CPLANE1: variants seen among roughly 807,000 people sequenced by gnomAD.
CPLANE1 encodes ciliogenesis and planar polarity effector 1.
Under a neutral mutation model 362.5 loss-of-function variants are expected in CPLANE1, and 263 were observed. The observed-to-expected ratio is 0.73, with a 90% CI of 0.66 to 0.80. The LOEUF is 0.80. Ranked by LOEUF, CPLANE1 falls within the 30% of genes least tolerant of loss-of-function variation. The probability of loss-of-function intolerance (pLI) is 0.00; values close to 1 mark genes in which losing one functional copy is unlikely to be tolerated. For synonymous variants in CPLANE1, 1,212 were observed against 1,302.6 expected (o/e 0.93, Z 1.50); for missense variants, 3,461 against 3,793.4 (o/e 0.91, Z 2.30).
At chr5:37,078,701 C>T in the CPLANE1 span, among the ~76,000 whole-genome samples, 35 of 150,428 alleles carry the variant, frequency 2.3e-4, no homozygotes, top group African/African-American at 7.9e-4. Flanking sequence ...TCCACAACCT[C>T]GGAAGCATCT....
At chr5:37,087,584 G>A in the CPLANE1 span, among the ~76,000 whole-genome samples, 88 of 152,276 alleles carry the variant, frequency 5.8e-4, no homozygotes, top group African/African-American at 1.8e-3. Flanking sequence ...AGCCTCCCGC[G>A]TAGCTGGGAC....
At chr5:37,237,740 CGCGGGAG>C (rs1799336065) in intron 8 of CPLANE1, among the ~76,000 whole-genome samples, 1 of 152,140 alleles carries the variant, frequency 6.6e-6, no homozygotes, top group African/African-American at 2.4e-5. Flanking sequence ...ATCCCAGCTA[CGCGGGAG>C]GCTGAGGCAG....
chr5:37,198,701 C>G lies in CPLANE1; in HGVS notation c.3672+1G>C. The G allele has an allele frequency of 6.2e-7, 1 of 1,612,456 alleles. No individual in the cohort carries two copies. The highest frequency in any genetic ancestry group is 2.2e-5 in the East Asian group (1 of 44,868). On this transcript the variant is annotated splice_donor_variant, in intron 20 of 52. Coordinates refer to ENST00000651892, the MANE Select transcript of CPLANE1 (RefSeq NM_001384732.1). LOFTEE classifies it high-confidence loss of function. ...TGTAAATGACTAAGATATTTCCATA[C>G]CTTCTGCATGACTTTTCTTGCCCAC...
chr5:37,175,841 C>T, intron 31 of CPLANE1, 68 bp downstream of exon 31: 1 of 1,059,574 alleles, frequency 9.4e-7, no homozygotes, highest in Non-Finnish European at 1.4e-6. Context: ...GTACAGTCGG[C>T]ATACTTTCAC....
intron 32 of CPLANE1, among the ~76,000 whole-genome samples, chr5:37,172,361 A>C (rs1780038136): frequency 6.6e-6 from 1 of 152,232 alleles, no homozygotes; most frequent in Non-Finnish European, 1.5e-5. Flanking sequence ...CAAAAAATTC[A>C]AGAGGGCATA....
chr5:37,126,713 G>C (rs1764221128), intron 46 of CPLANE1, among the ~76,000 whole-genome samples: 1 of 152,190 alleles, frequency 6.6e-6, no homozygotes, highest in Admixed American at 6.5e-5. Flanking sequence ...ATGGGGATTT[G>C]GGGCAAGGTG....
the CPLANE1 span, among the ~76,000 whole-genome samples, chr5:37,090,193 C>G: frequency 1.4e-4 from 21 of 152,194 alleles, no homozygotes; most frequent in Middle Eastern, 3.4e-3. Context: ...TAGAACAAGC[C>G]GTCTCTCAGG....
intron 46 of CPLANE1, among the ~76,000 whole-genome samples, chr5:37,129,357 T>G (rs555248939): frequency 6.6e-6 from 1 of 152,278 alleles, no homozygotes; most frequent in Admixed American, 6.5e-5. Context: ...AAAGGCTTCA[T>G]GATGAAGAAC....
At chr5:37,225,428 C>T (rs181443912) in intron 12 of CPLANE1, among the ~76,000 whole-genome samples, 134 of 152,032 alleles carry the variant, frequency 8.8e-4, no homozygotes, top group East Asian at 2.1e-3. Flanking sequence ...TTTTTAGTTG[C>T]GGAGTTTCAT....
Position 37,221,361 on chromosome 5 carries a change from C to T in CPLANE1, c.2709G>A (p.Trp903Ter), listed in dbSNP as rs863225164. The T allele has an allele frequency of 6.6e-7, 1 of 1,512,100 alleles. No homozygotes were observed. Among genetic ancestry groups the T allele is most frequent in the Non-Finnish European group, 8.8e-7 (1 of 1,132,296 alleles). The allele number at this position is 1,512,100 out of a possible 1,614,324, so 93.7% of individuals were successfully genotyped here. ...TATTTTCTTTTACAGGTAGTTGGGA[C>T]CATCTCAGGATTTCTCTTGCTAGCT... ...CDQLAREILRWSQLPVKENKD... is the reference protein window; with the variant it reads ...CDQLAREILR Residue 903 changes from tryptophan (W) to a stop codon, truncating the protein, a stop_gained, in exon 15 of 53, where the codon TGG (tryptophan) becomes TGA (stop). Transcript: ENST00000651892. LOFTEE classifies it high-confidence loss of function.
Position 37,107,087 on chromosome 5 carries a change from CAGGGTTGGTAAA to C in CPLANE1, c.*503_*514del, listed in dbSNP as rs972545252. 4 of 985,308 alleles carry C rather than the reference CAGGGTTGGTAAA, an allele frequency of 4.1e-6. No homozygotes were observed. The African/African-American group carries it at 7.0e-5, about 17-fold the overall frequency. 61.0% of individuals were successfully genotyped at this position (985,308 alleles called of 1,614,324 possible). On this transcript the variant is annotated 3_prime_UTR_variant, in exon 53 of 53. Transcript: ENST00000651892. The stretch of plus-strand genomic sequence containing the variant: ...ATGAAACTTTGCTTATTTAGAGATT[CAGGGTTGGTAAA>C]AGGTAGTTGGTTTTTCTTTTCACTC...
chr5:37,238,734 A>G, intron 8 of CPLANE1, 123 bp downstream of exon 8: 2 of 470,932 alleles, frequency 4.2e-6, no homozygotes, highest in Admixed American at 3.9e-5. Flanking sequence ...CCTGAGCTCA[A>G]GTGATCCTCT....
At chr5:37,190,413 G>GA (rs11435905) in intron 21 of CPLANE1, among the ~76,000 whole-genome samples, 3,989 of 136,394 alleles carry the variant, frequency 0.029, 189 homozygotes, top group African/African-American at 0.099. Flanking sequence ...ATGAAAAAAT[G>GA]AAAAAAAAAA....
intron 16 of CPLANE1, chr5:37,210,256 G>A (rs1792218712): frequency 1.9e-6 from 3 of 1,605,598 alleles, no homozygotes; most frequent in Non-Finnish European, 2.6e-6. Flanking sequence ...TTGCTAAGAG[G>A]AAGAGAAGCA....
chr5:37,196,224 CA>C (rs1295688899), intron 20 of CPLANE1, among the ~76,000 whole-genome samples: 1 of 150,798 alleles, frequency 6.6e-6, no homozygotes, highest in Non-Finnish European at 1.5e-5. Flanking sequence ...TCTCTTGTCA[CA>C]ATTTTGCCTG....
At chr5:37,237,113 C>A (rs890056058) in intron 8 of CPLANE1, among the ~76,000 whole-genome samples, 1 of 152,096 alleles carries the variant, frequency 6.6e-6, no homozygotes, top group African/African-American at 2.4e-5. Context: ...GGAAAGAAAT[C>A]ATTATATCAA....
intron 44 of CPLANE1, chr5:37,140,565 A>G: frequency 1.0e-6 from 1 of 985,440 alleles, no homozygotes; most frequent in Non-Finnish European, 1.2e-6. Flanking sequence ...GAGAAGGTCC[A>G]TTAAAGAGAC....
the CPLANE1 span, among the ~76,000 whole-genome samples, chr5:37,098,315 T>C: frequency 1.5e-5 from 2 of 130,610 alleles, no homozygotes; most frequent in Admixed American, 1.9e-4. Context: ...CACATGAACC[T>C]GGGAGGCGGA....
chr5:37,237,693 C>CA (rs907657524), intron 8 of CPLANE1, among the ~76,000 whole-genome samples: 3 of 151,906 alleles, frequency 2.0e-5, no homozygotes, highest in Non-Finnish European at 2.9e-5. Flanking sequence ...AAAAAAAATA[C>CA]AAAAAAATTA....
Sources: allele counts gnomAD v4.1 joint callset (sites outside exome capture counted in the v4.1 genomes callset), GRCh38; gene constraint gnomAD v4.1.1; transcripts MANE v1.5; gene names NCBI Gene and HGNC (gene_info 2026-07-23, HGNC 2026-07-21).